Variants in CDH13 observed in about 807,000 individuals in gnomAD.
The protein encoded by CDH13 is cadherin 13, also known as cadherin-13.
In CDH13, 24 loss-of-function variants were observed where a neutral mutation model predicts 63.8. That is an observed-to-expected ratio of 0.38 (90% CI 0.27 to 0.53). The LOEUF is 0.53. Among genes scored for constraint, CDH13 ranks in the 20% least tolerant of loss-of-function variants. CDH13 has a pLI of 0.85. For missense variants in CDH13, 1,049 were observed against 903.1 expected, an observed-to-expected ratio of 1.16 and a Z score of -2.07; for synonymous variants, 503 against 355.3, an observed-to-expected ratio of 1.42 and a Z score of -4.67.
intron 2 of CDH13, among the ~76,000 whole-genome samples, chr16:82,933,335 A>G (rs2042558778): frequency 6.7e-6 from 1 of 149,986 alleles, no homozygotes; most frequent in South Asian, 2.2e-4. Context: ...CTATAAAACT[A>G]TCAGATTTTG....
At chr16:83,725,851 A>G (rs949357679) in intron 10 of CDH13, 1 of 152,248 alleles carries the variant, frequency 6.6e-6, no homozygotes, top group Non-Finnish European at 1.5e-5. Context: ...AAACTAGAAG[A>G]GGTGGGCCGT....
rs865884015 is a variant in CDH13, at chr16:83,189,222, G to A, written c.484-28123G>A. ...GCCTAGAACTCTGTAGATTTCCGCC[G>A]TCTGTGTTTTTCCATCATCCCAGAC... On this transcript the variant is annotated intron_variant, in intron 4 of 13. Transcript: ENST00000567109. Among the ~76,000 whole-genome samples, 4 of 152,092 alleles carry A rather than the reference G, an allele frequency of 2.6e-5. 1 individual carries two copies. The highest frequency in any genetic ancestry group is 6.3e-3 in the Middle Eastern group (2 of 316).
intron 1 of CDH13, among the ~76,000 whole-genome samples, chr16:82,845,604 G>C (rs992137702): frequency 1.3e-5 from 2 of 152,134 alleles, no homozygotes; most frequent in African/African-American, 4.8e-5. Context: ...GTGTAGACCA[G>C]ACAAGGTTCC....
At chr16:83,547,750 G>A (rs1223785298) in intron 7 of CDH13, among the ~76,000 whole-genome samples, 1 of 152,180 alleles carries the variant, frequency 6.6e-6, no homozygotes, top group Admixed American at 6.5e-5. Context: ...GAATAGTGCT[G>A]CAGTGAACAT....
chr16:83,464,706 C>T (rs1300686691), intron 6 of CDH13, among the ~76,000 whole-genome samples: 1 of 152,120 alleles, frequency 6.6e-6, no homozygotes, highest in Non-Finnish European at 1.5e-5. Context: ...AATGCCTGCC[C>T]TAATCCACCA....
Position 82,858,453 on chromosome 16 carries a change from A to G in CDH13, c.137A>G (p.Glu46Gly). 1.2e-6 allele frequency: 2 copies of G among 1,609,318 alleles called. No individual in the cohort carries two copies. Among genetic ancestry groups the G allele is most frequent in the Non-Finnish European group, 1.7e-6 (2 of 1,175,668 alleles). Residue 46 changes from glutamate (E) to glycine (G), a missense_variant, in exon 2 of 14, where the codon GAG becomes GGG. Physicochemically the swap from Glu to Gly is moderately conservative, Grantham distance 98. Transcript: ENST00000567109. Reference sequence around the variant, plus strand: ...ATCAATCAGCCAGCTGAATTCATTGAGGACCAGTCAATTCTAAACTGTAAG... The same window carrying G: ...ATCAATCAGCCAGCTGAATTCATTGGGGACCAGTCAATTCTAAACTGTAAG... Reference protein sequence around the residue: ...FHINQPAEFIEDQSILNLTFS... With the variant: ...FHINQPAEFIGDQSILNLTFS...
chr16:83,426,333 C>T (rs1400706272), intron 6 of CDH13, among the ~76,000 whole-genome samples: 5 of 152,086 alleles, frequency 3.3e-5, no homozygotes, highest in African/African-American at 1.2e-4. Context: ...TTCATTATTC[C>T]AATAATGTTT....
At chr16:82,627,360 G>A (rs1597154635) in intron 1 of CDH13, among the ~76,000 whole-genome samples, 2 of 151,804 alleles carry the variant, frequency 1.3e-5, no homozygotes, top group Admixed American at 6.6e-5. Flanking sequence ...GTGTGTGTGT[G>A]TGTGTGTGTG....
intron 5 of CDH13, among the ~76,000 whole-genome samples, chr16:83,335,903 T>C (rs1355516001): frequency 1.3e-5 from 2 of 152,130 alleles, no homozygotes; most frequent in Non-Finnish European, 2.9e-5. Flanking sequence ...ACAGGAATCT[T>C]GCCGATGCCC....
At chr16:82,812,994 T>A (rs1193068152) in intron 1 of CDH13, among the ~76,000 whole-genome samples, 1 of 152,132 alleles carries the variant, frequency 6.6e-6, no homozygotes, top group Non-Finnish European at 1.5e-5. Flanking sequence ...ACCTGTTAAC[T>A]TTTTAAACCT....
intron 1 of CDH13, among the ~76,000 whole-genome samples, chr16:82,638,296 G>T (rs937192454): frequency 1.3e-4 from 20 of 152,194 alleles, no homozygotes; most frequent in Non-Finnish European, 2.4e-4. Flanking sequence ...GGACTGCTTA[G>T]GGACTGCTGA....
intron 3 of CDH13, among the ~76,000 whole-genome samples, chr16:83,033,014 T>G (rs1315832805): frequency 6.6e-6 from 1 of 152,222 alleles, no homozygotes; most frequent in East Asian, 1.9e-4. Context: ...ACCACATGTA[T>G]GTATATGGTG....
At chr16:83,655,906 A>G (rs866592067) in intron 8 of CDH13, among the ~76,000 whole-genome samples, 1 of 152,182 alleles carries the variant, frequency 6.6e-6, no homozygotes, top group African/African-American at 2.4e-5. Context: ...CCTGTAGGAG[A>G]TAATCAAATT....
intron 5 of CDH13, among the ~76,000 whole-genome samples, chr16:83,220,194 C>T (rs1042027832): frequency 2.0e-5 from 3 of 152,188 alleles, no homozygotes; most frequent in Non-Finnish European, 4.4e-5. Context: ...CGCACTGAAG[C>T]TTCTTACAGT....
At chr16:83,604,840 C>T (rs1266030428) in intron 8 of CDH13, among the ~76,000 whole-genome samples, 4 of 152,170 alleles carry the variant, frequency 2.6e-5, no homozygotes, top group Admixed American at 6.5e-5. Flanking sequence ...TTAGTTACTT[C>T]AATGCCACTG....
chr16:82,885,659 G>T (rs1417361474), intron 2 of CDH13, among the ~76,000 whole-genome samples: 1 of 151,822 alleles, frequency 6.6e-6, no homozygotes, highest in Non-Finnish European at 1.5e-5. Flanking sequence ...ATTCATCCTG[G>T]GAAGAAATAA....
intron 2 of CDH13, among the ~76,000 whole-genome samples, chr16:82,966,189 C>T (rs1298697885): frequency 6.6e-6 from 1 of 152,194 alleles, no homozygotes; most frequent in South Asian, 2.1e-4. Context: ...CGGTCTGTCG[C>T]CCAGGCTGGA....
intron 3 of CDH13, among the ~76,000 whole-genome samples, chr16:83,096,528 C>T (rs1234818045): frequency 6.6e-6 from 1 of 152,200 alleles, no homozygotes; most frequent in East Asian, 1.9e-4. Context: ...ACCACATCTC[C>T]TGAGTATTTT....
intron 6 of CDH13, among the ~76,000 whole-genome samples, chr16:83,484,503 A>G (rs979533058): frequency 1.3e-5 from 2 of 152,266 alleles, no homozygotes; most frequent in East Asian, 1.9e-4. Flanking sequence ...ATTGTCAATC[A>G]TCAAAACCAG....
Sources: allele counts gnomAD v4.1 joint callset (sites outside exome capture counted in the v4.1 genomes callset), GRCh38; gene constraint gnomAD v4.1.1; transcripts MANE v1.5; gene names NCBI Gene and HGNC (gene_info 2026-07-23, HGNC 2026-07-21).